Variants in LRRC31 observed in about 807,000 individuals in gnomAD.
LRRC31 encodes the protein leucine-rich repeat-containing protein 31.
LRRC31 carries 35 observed loss-of-function variants against 46.7 expected under a neutral mutation model. The ratio of observed to expected loss-of-function variants is 0.75; its 90% CI spans 0.57 to 0.99. LRRC31 has a LOEUF of 0.99. Ranked by LOEUF, LRRC31 falls within the 50% of genes least tolerant of loss-of-function variation. The pLI is 0.00. For missense variants in LRRC31, 613 were observed against 626.1 expected (o/e 0.98, Z 0.22); for synonymous variants, 236 against 235.1 (o/e 1.00, Z -0.03).
chr3:169,849,495 CTA>C, intron 7 of LRRC31, among the ~76,000 whole-genome samples: 1 of 152,258 alleles, frequency 6.6e-6, no homozygotes, highest in Non-Finnish European at 1.5e-5. Context: ...TGGTAAAACT[CTA>C]TCTCTACCAA....
At chr3:169,865,053 G>A (rs1387072830) in intron 1 of LRRC31, among the ~76,000 whole-genome samples, 1 of 151,584 alleles carries the variant, frequency 6.6e-6, no homozygotes, top group East Asian at 1.9e-4. Context: ...TCCAGCCTGG[G>A]CAACAGAGCA....
intron 5 of LRRC31, among the ~76,000 whole-genome samples, chr3:169,856,108 C>T (rs976043838): frequency 1.3e-4 from 19 of 151,946 alleles, no homozygotes; most frequent in South Asian, 4.1e-4. Flanking sequence ...GTCTCAAACT[C>T]CTGATCTCAA....
Position 169,851,682 on chromosome 3 carries a change from G to A in LRRC31, c.1096C>T (p.Pro366Ser). 6.2e-7 allele frequency: 1 copy of A among 1,614,164 alleles called. No homozygotes were observed. Among genetic ancestry groups the A allele is most frequent in the Non-Finnish European group, 8.5e-7 (1 of 1,180,032 alleles). Residue 366 changes from proline (P) to serine (S), a missense_variant, in exon 7 of 9, where the codon CCA becomes TCA. Pro to Ser is a moderately conservative substitution (Grantham distance 74). Transcript: ENST00000316428. ...TTGATAACTAATGACTTCAATGCTG[G>A]TAAAAATCGGAGCCTGCTGAGTAAG... is the stretch of plus-strand genomic sequence containing the variant. ...ENLLSRLRFL[P>S]ALKSLVINNC...
At position 169,848,229 on chromosome 3, in the gene LRRC31, A is replaced by C; in HGVS notation, c.1218T>G (p.Cys406Trp). The C allele has an allele frequency of 6.2e-7, 1 of 1,614,160 alleles. No individual in the cohort carries two copies. Among genetic ancestry groups the C allele is most frequent in the Non-Finnish European group, 8.5e-7 (1 of 1,180,008 alleles). The change falls in exon 8 of 9, where the codon TGT becomes TGG. Residue 406 changes from cysteine (C) to tryptophan (W), a missense_variant. Transcript: ENST00000316428. ...GAAGCAGCTTCAAGTTGCCACCAAC[A>C]CACTTGTTCCAAGAAAGGTTGAATA... ...LEVFNLSWNKCVGGNLKLLLE... is the reference protein window; with the variant it reads ...LEVFNLSWNKWVGGNLKLLLE...
intron 1 of LRRC31, among the ~76,000 whole-genome samples, chr3:169,864,242 TC>T (rs1263225748): frequency 6.6e-6 from 1 of 152,118 alleles, no homozygotes; most frequent in Non-Finnish European, 1.5e-5. Context: ...CCCAACTCCT[TC>T]CCCACATTTA....
intron 6 of LRRC31, among the ~76,000 whole-genome samples, chr3:169,852,069 C>G (rs1011968647): frequency 3.3e-5 from 5 of 152,076 alleles, no homozygotes; most frequent in African/African-American, 1.2e-4. Context: ...AGTTAATTAA[C>G]GTCTCTGAAC....
chr3:169,859,762 G>A (rs986661393), intron 3 of LRRC31, among the ~76,000 whole-genome samples: 1 of 152,152 alleles, frequency 6.6e-6, no homozygotes, highest in Non-Finnish European at 1.5e-5. Context: ...AATTGTAAAA[G>A]AACTTAATTC....
At position 169,856,876 on chromosome 3, in the gene LRRC31, T is replaced by C. The variant is rs370642875; in HGVS notation, c.488-4A>G. ...GGAATCATCTCAAATGCTTCTCCTGTTAACAAATGGCCCGAAAATTCTGTT... is the reference window on the plus strand; with the variant it reads ...GGAATCATCTCAAATGCTTCTCCTGCTAACAAATGGCCCGAAAATTCTGTT... On this transcript the variant is annotated splice_polypyrimidine_tract_variant and splice_region_variant and intron_variant, in intron 3 of 8. Coordinates refer to ENST00000316428, the MANE Select transcript of LRRC31 (RefSeq NM_024727.4). 7 of 1,596,802 alleles carry C rather than the reference T, an allele frequency of 4.4e-6. No homozygotes were observed. Among genetic ancestry groups the C allele is most frequent in the African/African-American group, 4.0e-5 (3 of 74,180 alleles).
chr3:169,860,822 T>C, intron 2 of LRRC31, 94 bp from the exon 3 acceptor site: 1 of 1,315,508 alleles, frequency 7.6e-7, no homozygotes, highest in Non-Finnish European at 1.1e-6. Flanking sequence ...GATATAGTTT[T>C]ACACTGTAAG....
intron 1 of LRRC31, among the ~76,000 whole-genome samples, chr3:169,862,656 G>T (rs1216071577): frequency 4.6e-5 from 7 of 151,992 alleles, no homozygotes; most frequent in African/African-American, 1.7e-4. Context: ...AGCTACTCAG[G>T]AGGCTGAGGC....
intron 3 of LRRC31, among the ~76,000 whole-genome samples, chr3:169,859,367 A>G (rs780225874): frequency 6.6e-6 from 1 of 151,672 alleles, no homozygotes; most frequent in Non-Finnish European, 1.5e-5. Flanking sequence ...TGAGATGTGT[A>G]ATGTTTCTCC....
At position 169,867,038 on chromosome 3, in the gene LRRC31, G is replaced by GT. The variant is rs1324128884; in HGVS notation, c.175+2594dup. On this transcript the variant is annotated intron_variant, in intron 1 of 8. Transcript: ENST00000316428. Reference sequence around the variant, plus strand: ...GTCTCAGAAAGAAAATTGGCCATGGGTTTTTTTTGTTTGTTTGTTTGTTTT... The same window carrying GT: ...GTCTCAGAAAGAAAATTGGCCATGGGTTTTTTTTTGTTTGTTTGTTTGTTTT... 3.3e-3 allele frequency among the ~76,000 whole-genome samples: 416 copies of GT among 126,280 alleles called. 19 individuals are homozygous for GT. Among genetic ancestry groups the GT allele is most frequent in the African/African-American group, 9.3e-3 (207 of 22,226 alleles). The allele number at this position is 126,280 out of a possible 152,430, so 82.8% of individuals were successfully genotyped here.
chr3:169,867,053 TTGTTTG>T (rs1352390473), intron 1 of LRRC31, among the ~76,000 whole-genome samples: 1,385 of 134,144 alleles, frequency 0.01, 213 homozygotes, highest in African/African-American at 0.044. Context: ...TTTTGTTTGT[TTGTTTG>T]TTTTTTTTTT....
At chr3:169,855,914 T>C (rs948219642) in intron 5 of LRRC31, among the ~76,000 whole-genome samples, 6 of 152,048 alleles carry the variant, frequency 3.9e-5, no homozygotes, top group Admixed American at 3.9e-4. Context: ...AATATGTATA[T>C]ATTTTTGAGA....
rs530368608 is a variant in LRRC31 at position 169,856,771 on chromosome 3, C to G, written c.589G>C (p.Gly197Arg). The change falls in exon 4 of 9, where the codon GGG becomes CGG. Residue 197 changes from glycine (G) to arginine (R), a missense_variant. By Grantham distance (125) the Gly-to-Arg change is moderately radical. Transcript: ENST00000316428. ...LPLILQKFQK[G>R]SKIQMIELVD... ...AGCTCAATCATTTGTATCTTGCTCC[C>G]TTTTTGGAACTTCTGAAGGATCAGA... The G allele has an allele frequency of 1.9e-6, 3 of 1,609,090 alleles. No homozygotes were observed. The highest frequency in any genetic ancestry group is 2.7e-5 in the African/African-American group (2 of 74,712).
intron 2 of LRRC31, 81 bp downstream of exon 2, chr3:169,861,589 T>G (rs74441792): frequency 0.047 from 65,960 of 1,417,994 alleles, 1,829 homozygotes; most frequent in Non-Finnish European, 0.056. Context: ...GGTTACTAGG[T>G]GGGTAGCTGA....
chr3:169,848,658 C>G (rs1780674696), intron 7 of LRRC31, among the ~76,000 whole-genome samples: 1 of 152,170 alleles, frequency 6.6e-6, no homozygotes, highest in African/African-American at 2.4e-5. Context: ...GCTGTTTCAC[C>G]ATGTTGCCCA....
At chr3:169,864,000 T>G (rs1781250174) in intron 1 of LRRC31, among the ~76,000 whole-genome samples, 1 of 127,184 alleles carries the variant, frequency 7.9e-6, no homozygotes, top group South Asian at 3.1e-4. Flanking sequence ...TTCCAAAGCC[T>G]AGTGTGTGTG....
At chr3:169,861,542 G>C in intron 2 of LRRC31, 128 bp downstream of exon 2, 2 of 904,768 alleles carry the variant, frequency 2.2e-6, no homozygotes, top group Non-Finnish European at 3.3e-6. Flanking sequence ...AAGCGATGCT[G>C]TTTCTGCAAT....
Sources: gnomAD v4.1 joint callset for allele counts (sites outside exome capture counted in the v4.1 genomes callset) on GRCh38, gnomAD v4.1.1 for gene constraint, MANE v1.5 for transcripts, NCBI Gene and HGNC (gene_info 2026-07-23, HGNC 2026-07-21) for gene names.